SMAP2: variants seen among roughly 807,000 people sequenced by gnomAD.
SMAP2 encodes small ArfGAP2, also known as stromal membrane-associated protein 2.
SMAP2 carries 25 observed loss-of-function variants against 56.4 expected under a neutral mutation model. The ratio of observed to expected loss-of-function variants is 0.44; its 90% confidence interval spans 0.32 to 0.62. The LOEUF is 0.62. Among genes scored for constraint, SMAP2 ranks in the 20% least tolerant of loss-of-function variants. The pLI, the probability that SMAP2 is intolerant of heterozygous loss-of-function variation, is 0.04. For synonymous variants in SMAP2, 157 were observed against 181.7 expected (o/e 0.86, Z 1.09); for missense variants, 388 against 545.6 (o/e 0.71, Z 2.88).
chr1:40,354,797 GACAGAGTCTCAC>G (rs1644426868), intron 1 of SMAP2, among the ~76,000 whole-genome samples: 1 of 5,522 alleles, frequency 1.8e-4, no homozygotes. Flanking sequence ...TTTTTTTTGA[GACAGAGTCTCAC>G]TCTGTCACCC....
At chr1:40,392,170 T>G (rs1644723473) in intron 1 of SMAP2, among the ~76,000 whole-genome samples, 1 of 152,170 alleles carries the variant, frequency 6.6e-6, no homozygotes, top group Non-Finnish European at 1.5e-5. Flanking sequence ...AAAATATCAG[T>G]TTAGGTTTAA....
intron 5 of SMAP2, 54 bp from the exon 6 acceptor site, chr1:40,414,104 GA>G: frequency 6.5e-7 from 1 of 1,540,440 alleles, no homozygotes; most frequent in Non-Finnish European, 9.0e-7. Flanking sequence ...GTGGAGATGG[GA>G]AAAGAGTTCA....
Position 40,415,152 on chromosome 1 carries a change from C to T in SMAP2, c.572-120C>T, listed in dbSNP as rs1180714590. On this transcript the variant is annotated intron_variant, in intron 6 of 9. Coordinates refer to ENST00000372718, the MANE Select transcript of SMAP2 (RefSeq NM_022733.3). ...AAGCCCCGTCCATGCTAGATGGTTC[C>T]AGAAGTCTAGATTTCTAGGTCCATG... The T allele has an allele frequency of 8.0e-6, 6 of 750,696 alleles. No individual in the cohort carries two copies. In the East Asian group the frequency reaches 1.2e-4, roughly 15 times the overall value. 46.5% of individuals were successfully genotyped at this position (750,696 alleles called of 1,614,324 possible).
chr1:40,399,937 C>T (rs1467785569), intron 1 of SMAP2, among the ~76,000 whole-genome samples: 1 of 152,070 alleles, frequency 6.6e-6, no homozygotes. Flanking sequence ...TGCTGAAGCT[C>T]ATGGTTAATT....
At chr1:40,420,230 C>T (rs1645029017) in intron 9 of SMAP2, among the ~76,000 whole-genome samples, 1 of 151,968 alleles carries the variant, frequency 6.6e-6, no homozygotes, top group Non-Finnish European at 1.5e-5. Flanking sequence ...TTGTTATTTT[C>T]TAGCTTTCAT....
intron 1 of SMAP2, among the ~76,000 whole-genome samples, chr1:40,405,672 TA>T (rs952296345): frequency 6.6e-6 from 1 of 152,196 alleles, no homozygotes; most frequent in African/African-American, 2.4e-5. Flanking sequence ...TTTTATGTGG[TA>T]AATTTCTGCC....
chr1:40,407,951 C>T lies in SMAP2; in HGVS notation c.238-702C>T, dbSNP rs114355894. Among the ~76,000 whole-genome samples the T allele has an allele frequency of 1.8e-3, 275 of 152,184 alleles. 1 individual carries two copies. The highest frequency in any genetic ancestry group is 2.6e-3 in the African/African-American group (106 of 41,524). On this transcript the variant is annotated intron_variant, in intron 2 of 9. Transcript: ENST00000372718. ...TTTTTATTCTCTTCCTACATTGAAA[C>T]GCTTTAATTTCAATTTTTTCTTTCT...
At chr1:40,350,528 G>A (rs1222820265) in intron 1 of SMAP2, among the ~76,000 whole-genome samples, 1 of 152,218 alleles carries the variant, frequency 6.6e-6, no homozygotes, top group African/African-American at 2.4e-5. Flanking sequence ...ACAAAACCAG[G>A]AGGAAACTGT....
At chr1:40,360,305 C>CTTT (rs34776166) in intron 1 of SMAP2, among the ~76,000 whole-genome samples, 1 of 111,424 alleles carries the variant, frequency 9.0e-6, no homozygotes, top group Non-Finnish European at 1.9e-5. Context: ...CGTGCCTGAG[C>CTTT]TTTTTTTTTT....
chr1:40,405,222 C>T (rs1644874656), intron 1 of SMAP2, among the ~76,000 whole-genome samples: 1 of 152,206 alleles, frequency 6.6e-6, no homozygotes, highest in Non-Finnish European at 1.5e-5. Context: ...GGCACAATGG[C>T]TCACACCTGT....
In SMAP2 at chr1:40,392,513, C is replaced by G. The variant is rs1030413682; in HGVS notation, c.104-14223C>G. Among the ~76,000 whole-genome samples the G allele has an allele frequency of 9.2e-5, 14 of 152,244 alleles. 1 individual carries two copies. The highest frequency in any genetic ancestry group is 5.8e-4 in the East Asian group (3 of 5,174). On this transcript the variant is annotated intron_variant, in intron 1 of 9. Coordinates refer to ENST00000372718, the MANE Select transcript of SMAP2 (RefSeq NM_022733.3). ...CCTAATGAAATAATCTCTTTCCTGCCCTCAATGAAAGCAGCTATTTTTTGT... is the reference window on the plus strand; with the variant it reads ...CCTAATGAAATAATCTCTTTCCTGCGCTCAATGAAAGCAGCTATTTTTTGT...
chr1:40,363,248 T>C (rs1211121967), intron 2 of SMAP2, among the ~76,000 whole-genome samples: 2 of 151,954 alleles, frequency 1.3e-5, no homozygotes, highest in Non-Finnish European at 2.9e-5. Context: ...TATAAAGAAA[T>C]CTAAATCTTC....
intron 1 of SMAP2, among the ~76,000 whole-genome samples, chr1:40,399,473 T>C (rs1218063312): frequency 6.6e-6 from 1 of 151,126 alleles, no homozygotes; most frequent in Non-Finnish European, 1.5e-5. Context: ...TTCTTTTTTT[T>C]TTCTTTTCTT....
chr1:40,400,445 A>G lies in SMAP2; in HGVS notation c.104-6291A>G, dbSNP rs1355106801. Among the ~76,000 whole-genome samples the G allele has an allele frequency of 3.9e-5, 6 of 152,134 alleles. No individual in the cohort carries two copies. The East Asian group carries it at 7.7e-4, about 20-fold the overall frequency. ...GGGAGAAGAGAATGTAAAAGTGGAG[A>G]GAGAGCTATTAGGAGGTTATTGCAG... On this transcript the variant is annotated intron_variant, in intron 1 of 9. Coordinates refer to ENST00000372718, the MANE Select transcript of SMAP2 (RefSeq NM_022733.3).
At chr1:40,359,826 C>T (rs1644452070) in intron 1 of SMAP2, among the ~76,000 whole-genome samples, 1 of 151,992 alleles carries the variant, frequency 6.6e-6, no homozygotes, top group African/African-American at 2.4e-5. Context: ...CACTTTATCC[C>T]CCTCCTTTTT....
intron 1 of SMAP2, among the ~76,000 whole-genome samples, chr1:40,357,885 C>T (rs911093034): frequency 1.3e-5 from 2 of 151,836 alleles, no homozygotes; most frequent in African/African-American, 4.8e-5. Flanking sequence ...GTTCTTTTTG[C>T]TCAGGATAGC....
At chr1:40,359,233 G>A (rs1388185680) in intron 1 of SMAP2, among the ~76,000 whole-genome samples, 1 of 152,286 alleles carries the variant, frequency 6.6e-6, no homozygotes, top group South Asian at 2.1e-4. Flanking sequence ...CTCCCAAGTA[G>A]CTGGAACTAC....
chr1:40,395,154 G>A (rs775711118), intron 1 of SMAP2, among the ~76,000 whole-genome samples: 7 of 152,130 alleles, frequency 4.6e-5, no homozygotes, highest in Non-Finnish European at 1.0e-4. Flanking sequence ...ATGGGGTGAT[G>A]ACATTATCAG....
chr1:40,355,961 C>T (rs920464100), intron 1 of SMAP2, among the ~76,000 whole-genome samples: 13 of 152,056 alleles, frequency 8.5e-5, no homozygotes, highest in African/African-American at 3.1e-4. Flanking sequence ...ACCCGTTAAC[C>T]ATTCCCACTT....
Sources: gnomAD v4.1 joint callset for allele counts (sites outside exome capture counted in the v4.1 genomes callset) on GRCh38, gnomAD v4.1.1 for gene constraint, MANE v1.5 for transcripts, NCBI Gene and HGNC (gene_info 2026-07-23, HGNC 2026-07-21) for gene names.